The following CDH13 variants were observed in gnomAD, a reference collection of about 807,000 sequenced individuals.
CDH13 encodes cadherin 13, also known as cadherin-13.
In CDH13, 24 loss-of-function variants were observed where a neutral mutation model predicts 63.8. That is an observed-to-expected ratio of 0.38 (90% confidence interval 0.27 to 0.53). The LOEUF (loss-of-function observed/expected upper bound fraction) is 0.53. Ranked by LOEUF, CDH13 falls within the 20% of genes least tolerant of loss-of-function variation. The pLI, the probability that CDH13 is intolerant of heterozygous loss-of-function variation, is 0.85. For missense variants in CDH13, 1,049 were observed against 903.1 expected (o/e 1.16, Z -2.07); for synonymous variants, 503 against 355.3 (o/e 1.42, Z -4.67).
intron 2 of CDH13, among the ~76,000 whole-genome samples, chr16:83,005,547 C>A (rs1319660411): frequency 1.3e-5 from 2 of 152,136 alleles, no homozygotes; most frequent in African/African-American, 4.8e-5. Flanking sequence ...CAGTGTTTTC[C>A]AGTTGTGAAG....
intron 2 of CDH13, among the ~76,000 whole-genome samples, chr16:82,860,489 C>T (rs1022113601): frequency 1.3e-5 from 2 of 150,632 alleles, no homozygotes; most frequent in African/African-American, 4.9e-5. Context: ...CTAAATGGGA[C>T]TAGGTTCATT....
At chr16:82,668,301 C>T (rs186230311) in intron 1 of CDH13, among the ~76,000 whole-genome samples, 1 of 152,268 alleles carries the variant, frequency 6.6e-6, no homozygotes, top group Non-Finnish European at 1.5e-5. Flanking sequence ...TTGGCAAGAA[C>T]TGCCAACCCC....
chr16:82,985,551 G>T (rs912127444), intron 2 of CDH13, among the ~76,000 whole-genome samples: 5 of 152,156 alleles, frequency 3.3e-5, no homozygotes, highest in Non-Finnish European at 2.9e-5. Context: ...AGAGATAGGT[G>T]CGTGGTTTTA....
chr16:83,111,361 G>A (rs923482041), intron 3 of CDH13, among the ~76,000 whole-genome samples: 1 of 152,156 alleles, frequency 6.6e-6, no homozygotes, highest in Non-Finnish European at 1.5e-5. Context: ...TACACTTAAA[G>A]TAGAGAGTCA....
At chr16:83,187,522 C>G (rs1168995334) in intron 4 of CDH13, among the ~76,000 whole-genome samples, 2 of 151,994 alleles carry the variant, frequency 1.3e-5, no homozygotes, top group Non-Finnish European at 2.9e-5. Flanking sequence ...GGCCTGAAGC[C>G]TCAGGGACTT....
intron 4 of CDH13, among the ~76,000 whole-genome samples, chr16:83,131,556 G>T (rs1002881182): frequency 6.6e-6 from 1 of 152,086 alleles, no homozygotes; most frequent in Non-Finnish European, 1.5e-5. Context: ...CTAATTGATT[G>T]CATCTTTAAA....
intron 3 of CDH13, among the ~76,000 whole-genome samples, chr16:83,122,076 G>A (rs917285532): frequency 2.6e-5 from 4 of 152,182 alleles, no homozygotes; most frequent in Non-Finnish European, 5.9e-5. Context: ...TGTTAGGATT[G>A]AGATGCTTGC....
At chr16:83,253,163 G>T (rs12596191) in intron 5 of CDH13, among the ~76,000 whole-genome samples, 43,206 of 151,958 alleles carry the variant, frequency 0.28, 6,507 homozygotes, top group East Asian at 0.37. Context: ...AGCTGCATTT[G>T]AAAAGTTGCA....
At chr16:83,331,066 T>A (rs2090470786) in intron 5 of CDH13, among the ~76,000 whole-genome samples, 1 of 152,202 alleles carries the variant, frequency 6.6e-6, no homozygotes, top group Non-Finnish European at 1.5e-5. Context: ...ATCTCAAAGA[T>A]GAGGAAATTG....
intron 7 of CDH13, among the ~76,000 whole-genome samples, chr16:83,525,795 G>T (rs1262489440): frequency 2.0e-5 from 3 of 152,142 alleles, no homozygotes; most frequent in African/African-American, 7.2e-5. Context: ...ATTTTTTCTG[G>T]CTCAGAGAAA....
intron 1 of CDH13, among the ~76,000 whole-genome samples, chr16:82,693,782 G>A (rs2029922901): frequency 6.6e-6 from 1 of 152,170 alleles, no homozygotes; most frequent in South Asian, 2.1e-4. Context: ...GTAGAGCAAG[G>A]TATTTATTTT....
At chr16:83,724,349 G>A (rs1910107501) in intron 10 of CDH13, among the ~76,000 whole-genome samples, 1 of 151,326 alleles carries the variant, frequency 6.6e-6, no homozygotes, top group Non-Finnish European at 1.5e-5. Flanking sequence ...ATGGCTGAGT[G>A]ATGAATGCAT....
At chr16:83,059,789 G>GTTTTTTTTTTTTTTTTTTTTT (rs1256608391) in intron 3 of CDH13, among the ~76,000 whole-genome samples, 1 of 98,756 alleles carries the variant, frequency 1.0e-5, no homozygotes, top group African/African-American at 3.8e-5. Context: ...TTTTTTTTTT[G>GTTTTTTTTTTTTTTTTTTTTT]TTTGTTTTTT....
intron 4 of CDH13, among the ~76,000 whole-genome samples, chr16:83,147,836 G>C (rs1455970456): frequency 6.6e-6 from 1 of 152,110 alleles, no homozygotes; most frequent in Non-Finnish European, 1.5e-5. Flanking sequence ...CTCTGGCTCT[G>C]AGCACAGCAC....
intron 4 of CDH13, among the ~76,000 whole-genome samples, chr16:83,166,455 C>T (rs955079395): frequency 1.8e-4 from 27 of 152,102 alleles, no homozygotes; most frequent in African/African-American, 5.3e-4. Flanking sequence ...GACAATTAAC[C>T]TCTTGATTCC....
At chr16:83,074,075 A>G (rs1400582523) in intron 3 of CDH13, among the ~76,000 whole-genome samples, 1 of 152,140 alleles carries the variant, frequency 6.6e-6, no homozygotes, top group Admixed American at 6.5e-5. Context: ...TACTATTAAC[A>G]TTAAAACTTC....
At chr16:82,940,303 G>C (rs1597255689) in intron 2 of CDH13, among the ~76,000 whole-genome samples, 1 of 152,162 alleles carries the variant, frequency 6.6e-6, no homozygotes, top group Admixed American at 6.5e-5. Context: ...CAGAATCTCA[G>C]TTTTTCCACC....
At position 83,299,758 on chromosome 16, in the gene CDH13, G is replaced by A. The variant is rs565368293; in HGVS notation, c.637-45104G>A. On this transcript the variant is annotated intron_variant, in intron 5 of 13. Transcript: ENST00000567109. Reference sequence around the variant, plus strand: ...GCAATCTCAAGTAATGAAAATTCATGGAGTTTATATAAGTTATTGCAGCAT... The same window carrying A: ...GCAATCTCAAGTAATGAAAATTCATAGAGTTTATATAAGTTATTGCAGCAT... Among the ~76,000 whole-genome samples the A allele has an allele frequency of 5.3e-5, 8 of 152,302 alleles. No individual in the cohort carries two copies. In the South Asian group the frequency reaches 1.7e-3, roughly 32 times the overall value.
At chr16:82,649,354 C>T (rs189184407) in intron 1 of CDH13, among the ~76,000 whole-genome samples, 1 of 152,052 alleles carries the variant, frequency 6.6e-6, no homozygotes, top group African/African-American at 2.4e-5. Flanking sequence ...ACATTGATAA[C>T]TATATGAAGG....
Sources: allele counts gnomAD v4.1 joint callset (sites outside exome capture counted in the v4.1 genomes callset), GRCh38; gene constraint gnomAD v4.1.1; transcripts MANE v1.5; gene names NCBI Gene and HGNC (gene_info 2026-07-23, HGNC 2026-07-21).